Variants in CCNG1 observed in about 807,000 individuals in gnomAD.
CCNG1 encodes the protein cyclin G1.
Under a neutral mutation model 30.0 loss-of-function variants are expected in CCNG1, and 13 were observed. The observed-to-expected ratio is 0.43, with a 90% CI of 0.28 to 0.69. The LOEUF is 0.69. Ranked by LOEUF, CCNG1 falls within the 30% of genes least tolerant of loss-of-function variation. The pLI, the probability that CCNG1 is intolerant of heterozygous loss-of-function variation, is 0.16. For synonymous variants in CCNG1, 110 were observed against 121.5 expected, an observed-to-expected ratio of 0.91 and a Z score of 0.62; for missense variants, 285 against 331.4, an observed-to-expected ratio of 0.86 and a Z score of 1.09.
rs373490638 is a variant in CCNG1 at position 163,441,191 on chromosome 5, A to G, written c.378A>G (p.Gln126=). ...PLATDLIRIS[Q]YRFTVSDLMR... is the part of the protein sequence containing the mutation. Reference sequence around the variant, plus strand: ...CAACTGACTTGATCCGAATAAGTCAATATAGGTTTACGGTTTCAGACTTGA... The same window carrying G: ...CAACTGACTTGATCCGAATAAGTCAGTATAGGTTTACGGTTTCAGACTTGA... Residue 126 remains glutamine, a synonymous_variant, in exon 3 of 7, where the codon CAA becomes CAG. Transcript: ENST00000340828. 126 of 1,614,032 alleles carry G rather than the reference A, an allele frequency of 7.8e-5. No individual in the cohort carries two copies. In the South Asian group the frequency reaches 1.3e-3, roughly 16 times the overall value.
chr5:163,457,098 A>G, the CCNG1 span: 1 of 1,569,528 alleles, frequency 6.4e-7, no homozygotes, highest in South Asian at 1.2e-5. Context: ...AAAAACACAC[A>G]CACACACACG....
At chr5:163,452,488 GTAA>G in the CCNG1 span, 1 of 152,156 alleles carries the variant, frequency 6.6e-6, no homozygotes, top group Non-Finnish European at 1.5e-5. Flanking sequence ...GAGCACCAAT[GTAA>G]TGATAATAGG....
intron 2 of CCNG1, 71 bp from the exon 3 acceptor site, chr5:163,441,007 G>T: frequency 6.7e-7 from 1 of 1,484,050 alleles, no homozygotes; most frequent in South Asian, 1.3e-5. Flanking sequence ...CGGAGTTCTA[G>T]ATTATCCTTT....
intron 1 of CCNG1, among the ~76,000 whole-genome samples, chr5:163,438,445 TCA>T (rs1012600214): frequency 2.6e-5 from 4 of 152,228 alleles, no homozygotes; most frequent in African/African-American, 4.8e-5. Context: ...TTATTATTGT[TCA>T]GTGTTTTTTA....
downstream of CCNG1, among the ~76,000 whole-genome samples, chr5:163,445,552 CAA>C (rs372156752): frequency 2.6e-3 from 388 of 151,778 alleles, 2 homozygotes; most frequent in South Asian, 0.021. Flanking sequence ...AGCCCAGGCT[CAA>C]GAGATCCTCC....
At chr5:163,450,426 A>C (rs1329472987), downstream of CCNG1, 1 of 152,224 alleles carries the variant, frequency 6.6e-6, no homozygotes, top group Non-Finnish European at 1.5e-5. Flanking sequence ...GAGAAATTAC[A>C]AATCATATAC....
At chr5:163,452,862 A>T in the CCNG1 span, 7 of 152,224 alleles carry the variant, frequency 4.6e-5, no homozygotes, top group Admixed American at 3.3e-4. Context: ...AACAAATGAG[A>T]ATTTGTTCCA....
At chr5:163,456,532 AAAAAC>A in the CCNG1 span, among the ~76,000 whole-genome samples, 1 of 152,202 alleles carries the variant, frequency 6.6e-6, no homozygotes, top group African/African-American at 2.4e-5. Flanking sequence ...ATTTATGCTA[AAAAAC>A]AAAACAAAAC....
chr5:163,449,010 A>C (rs950485595), downstream of CCNG1: 5 of 152,230 alleles, frequency 3.3e-5, no homozygotes, highest in African/African-American at 9.7e-5. Context: ...GTCAAAAACA[A>C]TGCTTTCAAA....
the CCNG1 span, chr5:163,453,923 T>A: frequency 9.3e-7 from 1 of 1,070,292 alleles, no homozygotes; most frequent in Non-Finnish European, 1.4e-6. Context: ...CTGATTAAGT[T>A]GGCAATATCT....
intron 1 of CCNG1, among the ~76,000 whole-genome samples, chr5:163,438,066 T>G (rs1446170567): frequency 6.6e-6 from 1 of 152,110 alleles, no homozygotes; most frequent in Non-Finnish European, 1.5e-5. Flanking sequence ...GTTCCTCACA[T>G]GACTAGCTCT....
Position 163,444,715 on chromosome 5 carries a change from GTGT to G in CCNG1, c.*1049_*1051del, listed in dbSNP as rs1757986235. 1 of 152,632 alleles carries G rather than the reference GTGT, an allele frequency of 6.6e-6. No homozygotes were observed. The highest frequency in any genetic ancestry group is 2.4e-5 in the African/African-American group (1 of 41,454). The allele number at this position is 152,632 out of a possible 1,614,324, so 9.5% of individuals were successfully genotyped here. ...TGAATGTAAGAAGTACAGTGTTAAA[GTGT>G]TGTAAACAGTTACTCAGTGCAATGT... is the stretch of plus-strand genomic sequence containing the variant. On this transcript the variant is annotated 3_prime_UTR_variant, in exon 7 of 7. Transcript: ENST00000340828.
Position 163,439,249 on chromosome 5 carries a change from A to C in CCNG1, c.1-8A>C. 6.2e-7 allele frequency: 1 copy of C among 1,609,488 alleles called. No individual in the cohort carries two copies. Among genetic ancestry groups the C allele is most frequent in the South Asian group, 1.1e-5 (1 of 90,720 alleles). On this transcript the variant is annotated splice_region_variant and splice_polypyrimidine_tract_variant and intron_variant, in intron 1 of 6. Transcript: ENST00000340828. ...ACACTCCTTGCTGGTCTTTTTTTCT[A>C]TATATAGATGATAGAGGTACTGACA...
chr5:163,443,075 C>T (rs1319245711), intron 6 of CCNG1, among the ~76,000 whole-genome samples: 1 of 152,084 alleles, frequency 6.6e-6, no homozygotes, highest in East Asian at 1.9e-4. Flanking sequence ...TTTGGGAGGC[C>T]AAGGCGGGCG....
At chr5:163,456,863 T>G in the CCNG1 span, 1 of 1,115,988 alleles carries the variant, frequency 9.0e-7, no homozygotes, top group Non-Finnish European at 1.2e-6. Flanking sequence ...AGTTTTAATT[T>G]CAAATATTTA....
chr5:163,441,607 G>A (rs1289539146), intron 3 of CCNG1: 30 of 478,538 alleles, frequency 6.3e-5, no homozygotes, highest in Non-Finnish European at 1.1e-4. Context: ...ACCTTCAGTG[G>A]ATGTTGAAAT....
downstream of CCNG1, chr5:163,449,108 T>G (rs1286538625): frequency 6.6e-6 from 1 of 152,014 alleles, no homozygotes; most frequent in Non-Finnish European, 1.5e-5. Flanking sequence ...AATCATAGAC[T>G]AAAAAGAATA....
In CCNG1 at chr5:163,439,342, C is replaced by CT; in HGVS notation, c.86_87insT (p.Val31GlyfsTer8). On this transcript the variant is annotated frameshift_variant, in exon 2 of 7. Transcript: ENST00000340828. LOFTEE classifies it high-confidence loss of function. Reference sequence around the variant, plus strand: ...TTGGAACAGGAGTCTAGATGTCAGCCAAAGGTCTGTGGTTTGAGACTAATT... The same window carrying CT: ...TTGGAACAGGAGTCTAGATGTCAGCCTAAAGGTCTGTGGTTTGAGACTAATT... The CT allele has an allele frequency of 6.2e-7, 1 of 1,614,074 alleles. No homozygotes were observed.
the CCNG1 span, chr5:163,457,091 A>AC: frequency 8.2e-4 from 1,224 of 1,491,320 alleles, 6 homozygotes; most frequent in African/African-American, 0.014. Context: ...CTAAAAAAAA[A>AC]ACACACACAC....
Sources: allele counts gnomAD v4.1 joint callset (sites outside exome capture counted in the v4.1 genomes callset), GRCh38; gene constraint gnomAD v4.1.1; transcripts MANE v1.5; gene names NCBI Gene and HGNC (gene_info 2026-07-23, HGNC 2026-07-21).